Variants in KCNIP1 observed in about 807,000 individuals in gnomAD.
The protein encoded by KCNIP1 is potassium voltage-gated channel interacting protein 1, also known as A-type potassium channel modulatory protein KCNIP1.
In KCNIP1, 18 loss-of-function variants were observed where a neutral mutation model predicts 33.0. The ratio of observed to expected loss-of-function variants is 0.55; its 90% CI spans 0.38 to 0.81. The LOEUF is 0.81. Among genes scored for constraint, KCNIP1 ranks in the 30% least tolerant of loss-of-function variants. The pLI is 0.00. For synonymous variants in KCNIP1, 93 were observed against 98.3 expected, an observed-to-expected ratio of 0.95 and a Z score of 0.32; for missense variants, 238 against 271.6, an observed-to-expected ratio of 0.88 and a Z score of 0.87.
chr5:170,473,966 G>T (rs906173961), intron 1 of KCNIP1, among the ~76,000 whole-genome samples: 1 of 152,166 alleles, frequency 6.6e-6, no homozygotes, highest in Non-Finnish European at 1.5e-5. Flanking sequence ...ATTAGACTGC[G>T]TTGGGCGTCA....
At chr5:170,692,822 A>G in intron 1 of KCNIP1, among the ~76,000 whole-genome samples, 1 of 152,240 alleles carries the variant, frequency 6.6e-6, no homozygotes, top group East Asian at 1.9e-4. Context: ...ATGTTGAGCA[A>G]ATCAGAAAAT....
Position 170,652,157 on chromosome 5 carries a change from T to C in KCNIP1, c.62-66601T>C, listed in dbSNP as rs181047341. Among the ~76,000 whole-genome samples the C allele has an allele frequency of 1.9e-3, 282 of 151,772 alleles. 2 individuals carry two copies. Among genetic ancestry groups the C allele is most frequent in the African/African-American group, 6.3e-3 (262 of 41,384 alleles). ...GTGCCTGGTTGCCAGGTTAGTTGTG[T>C]TGGGGGAAAGGAGCTTCTAATGGCC... On this transcript the variant is annotated intron_variant, in intron 1 of 7. Transcript: ENST00000328939.
At chr5:170,523,081 C>G (rs888994587) in intron 1 of KCNIP1, among the ~76,000 whole-genome samples, 1 of 152,156 alleles carries the variant, frequency 6.6e-6, no homozygotes, top group African/African-American at 2.4e-5. Context: ...ATAAATAGGG[C>G]TGTGGGAGAT....
intron 1 of KCNIP1, among the ~76,000 whole-genome samples, chr5:170,666,392 G>A (rs1761704652): frequency 6.6e-6 from 1 of 152,186 alleles, no homozygotes; most frequent in East Asian, 1.9e-4. Context: ...CTTGCTTTGA[G>A]CATCTCCTGC....
At chr5:170,455,824 A>G (rs1224871540) in intron 1 of KCNIP1, among the ~76,000 whole-genome samples, 1 of 152,166 alleles carries the variant, frequency 6.6e-6, no homozygotes, top group African/African-American at 2.4e-5. Context: ...AGCTCCACAT[A>G]CCTACATTAA....
intron 1 of KCNIP1, among the ~76,000 whole-genome samples, chr5:170,432,004 A>ATC (rs965103722): frequency 1.0e-4 from 15 of 143,240 alleles, no homozygotes; most frequent in South Asian, 4.6e-4. Context: ...ATGGCATTTT[A>ATC]TCTCTCTCTC....
At chr5:170,654,329 G>A (rs551538960) in intron 1 of KCNIP1, among the ~76,000 whole-genome samples, 16 of 152,328 alleles carry the variant, frequency 1.1e-4, no homozygotes, top group African/African-American at 3.6e-4. Context: ...GATGCTCCAA[G>A]CGGTAAAATG....
chr5:170,725,481 A>G (rs982890957), intron 5 of KCNIP1, among the ~76,000 whole-genome samples: 2 of 152,140 alleles, frequency 1.3e-5, no homozygotes, highest in Non-Finnish European at 2.9e-5. Flanking sequence ...AAACAATATG[A>G]AGATAGAGGG....
intron 1 of KCNIP1, among the ~76,000 whole-genome samples, chr5:170,535,171 C>T (rs1224664049): frequency 4.6e-5 from 7 of 152,116 alleles, no homozygotes; most frequent in Admixed American, 3.3e-4. Context: ...GTGTGCCTCA[C>T]CCCCACTGAC....
At chr5:170,491,693 T>C (rs1757210002) in intron 1 of KCNIP1, among the ~76,000 whole-genome samples, 1 of 152,192 alleles carries the variant, frequency 6.6e-6, no homozygotes. Flanking sequence ...CATTTGTGCC[T>C]CACAGGAAGC....
At chr5:170,617,645 T>A (rs1156769831) in intron 1 of KCNIP1, among the ~76,000 whole-genome samples, 1 of 152,202 alleles carries the variant, frequency 6.6e-6, no homozygotes, top group Non-Finnish European at 1.5e-5. Context: ...AAAAGCACCA[T>A]CTGCTCTTAA....
At chr5:170,419,175 C>T (rs762067774) in intron 1 of KCNIP1, among the ~76,000 whole-genome samples, 5 of 152,216 alleles carry the variant, frequency 3.3e-5, no homozygotes, top group Non-Finnish European at 7.3e-5. Context: ...GTGTCCAGTG[C>T]TGACCTCTGA....
At chr5:170,365,191 G>C (rs1411990067) in intron 1 of KCNIP1, among the ~76,000 whole-genome samples, 1 of 152,136 alleles carries the variant, frequency 6.6e-6, no homozygotes, top group Non-Finnish European at 1.5e-5. Flanking sequence ...TGGCAGATGA[G>C]GAACCTGAGG....
intron 1 of KCNIP1, among the ~76,000 whole-genome samples, chr5:170,472,825 C>T (rs957207758): frequency 6.6e-6 from 1 of 151,910 alleles, no homozygotes; most frequent in East Asian, 1.9e-4. Context: ...TTTATCCACT[C>T]GTTGATTGAT....
intron 1 of KCNIP1, among the ~76,000 whole-genome samples, chr5:170,514,712 A>G (rs1755061424): frequency 6.6e-6 from 1 of 152,250 alleles, no homozygotes; most frequent in African/African-American, 2.4e-5. Context: ...TGCTTTAAGC[A>G]TCTCTTGAGT....
intron 1 of KCNIP1, among the ~76,000 whole-genome samples, chr5:170,368,456 G>T (rs1036637937): frequency 6.6e-6 from 1 of 151,940 alleles, no homozygotes; most frequent in Non-Finnish European, 1.5e-5. Context: ...GTAGAGACAG[G>T]GTTTCACAAT....
At chr5:170,640,901 C>T (rs1366610541) in intron 1 of KCNIP1, among the ~76,000 whole-genome samples, 3 of 152,154 alleles carry the variant, frequency 2.0e-5, no homozygotes, top group Non-Finnish European at 2.9e-5. Context: ...AGTGAATGGG[C>T]AGGTGGAAGC....
intron 1 of KCNIP1, chr5:170,712,909 C>T (rs2113858542): frequency 6.2e-7 from 1 of 1,606,204 alleles, no homozygotes; most frequent in Non-Finnish European, 8.5e-7. Context: ...TTAAACTAAC[C>T]TGACTTTGGT....
intron 1 of KCNIP1, among the ~76,000 whole-genome samples, chr5:170,590,421 G>A (rs570157457): frequency 1.6e-4 from 25 of 152,220 alleles, no homozygotes; most frequent in Admixed American, 9.1e-4. Flanking sequence ...GTCTGGAGGT[G>A]GAAATGAGAT....
Sources: allele counts gnomAD v4.1 joint callset (sites outside exome capture counted in the v4.1 genomes callset), GRCh38; gene constraint gnomAD v4.1.1; transcripts MANE v1.5; gene names NCBI Gene and HGNC (gene_info 2026-07-23, HGNC 2026-07-21).